The following CXADR variants were observed in gnomAD, a reference collection of about 807,000 sequenced individuals.
CXADR encodes the protein coxsackievirus and adenovirus receptor.
CXADR carries 20 observed loss-of-function variants against 40.3 expected under a neutral mutation model. That is an observed-to-expected ratio of 0.50 (90% CI 0.35 to 0.72). The LOEUF is 0.72. Among genes scored for constraint, CXADR ranks in the 30% least tolerant of loss-of-function variants. The probability of loss-of-function intolerance (pLI) is 0.01; values close to 1 mark genes in which losing one functional copy is unlikely to be tolerated. For synonymous variants in CXADR, 150 were observed against 161.3 expected, an observed-to-expected ratio of 0.93 and a Z score of 0.53; for missense variants, 332 against 449.1, an observed-to-expected ratio of 0.74 and a Z score of 2.36.
intron 6 of CXADR, among the ~76,000 whole-genome samples, chr21:17,563,260 G>C (rs2846885): frequency 0.89 from 135,143 of 151,970 alleles, 60,134 homozygotes; most frequent in East Asian, 1. Context: ...GCACCCTACC[G>C]TGGTTGACAG....
rs772427952 is a variant in CXADR, at chr21:17,567,242, G to A, written c.*1550G>A. 78 of 985,252 alleles carry A rather than the reference G, an allele frequency of 7.9e-5. No individual in the cohort carries two copies. Among genetic ancestry groups the A allele is most frequent in the Middle Eastern group, 1.0e-3 (2 of 1,936 alleles). 61.0% of individuals were successfully genotyped at this position (985,252 alleles called of 1,614,324 possible). A position where few individuals can be genotyped will look rare whatever the true frequency, so the allele number is the denominator to read the frequency against. On this transcript the variant is annotated 3_prime_UTR_variant, in exon 7 of 7. Transcript: ENST00000284878. ...GGTGGTAAATGCTATATTATGAACG[G>A]TGGCATGTATTTACAGTTAGAGTAT...
chr21:17,580,761 T>C (rs760552309), intron 7 of CXADR, among the ~76,000 whole-genome samples: 3 of 152,218 alleles, frequency 2.0e-5, no homozygotes, highest in African/African-American at 4.8e-5. Context: ...ATACAATGTT[T>C]CTTTTTTGAG....
At chr21:17,534,019 T>C (rs368428260) in intron 1 of CXADR, among the ~76,000 whole-genome samples, 31 of 81,392 alleles carry the variant, frequency 3.8e-4, no homozygotes, top group Non-Finnish European at 7.6e-4. Context: ...TATATATATA[T>C]ATATATATAG....
chr21:17,603,576 G>C, the CXADR span, among the ~76,000 whole-genome samples: 1 of 152,168 alleles, frequency 6.6e-6, no homozygotes, highest in Admixed American at 6.5e-5. Context: ...TACATAGTTA[G>C]GGTTCCTTCA....
chr21:17,578,162 A>C (rs1601052267), intron 7 of CXADR, among the ~76,000 whole-genome samples: 1 of 152,190 alleles, frequency 6.6e-6, no homozygotes, highest in South Asian at 2.1e-4. Flanking sequence ...GCTGGATCAT[A>C]GGGTAGTTCT....
At chr21:17,607,409 T>C in the CXADR span, among the ~76,000 whole-genome samples, 1 of 152,094 alleles carries the variant, frequency 6.6e-6, no homozygotes, top group African/African-American at 2.4e-5. Flanking sequence ...ATTAAGATAA[T>C]CAAGAGATAA....
intron 7 of CXADR, among the ~76,000 whole-genome samples, chr21:17,586,567 C>T (rs1337396240): frequency 6.6e-6 from 1 of 151,462 alleles, no homozygotes; most frequent in Non-Finnish European, 1.5e-5. Flanking sequence ...TCCCAAAGTG[C>T]TGAGATTACA....
the CXADR span, among the ~76,000 whole-genome samples, chr21:17,618,160 C>T: frequency 6.6e-6 from 1 of 152,160 alleles, no homozygotes; most frequent in East Asian, 1.9e-4. Flanking sequence ...AAGCCTTGAT[C>T]GCAGCACTGC....
intron 1 of CXADR, among the ~76,000 whole-genome samples, chr21:17,536,099 A>G (rs1439037906): frequency 6.6e-6 from 1 of 152,198 alleles, no homozygotes; most frequent in Non-Finnish European, 1.5e-5. Context: ...GAGAAGAATC[A>G]TGTATCAGTG....
chr21:17,561,349 G>T lies in CXADR; in HGVS notation c.706G>T (p.Ala236Ser). The change falls in exon 6 of 7, where the codon GCT becomes TCT. Residue 236 changes from alanine to serine, a missense_variant. Around this residue, in one of 3 missense-constraint regions of CXADR, gnomAD observed 150 missense variants for 194.2 expected, o/e 0.77. Coordinates refer to ENST00000284878, the MANE Select transcript of CXADR (RefSeq NM_001338.5). ...RLNVVPPSNK[A>S]GLIAGAIIGT... ...TCTTCTTATTTTAGCTTCAAATAAA[G>T]CTGGACTAATTGCAGGAGCCATTAT... is the stretch of plus-strand genomic sequence containing the variant. 2 of 1,580,658 alleles carry T rather than the reference G, an allele frequency of 1.3e-6. No homozygotes were observed. Among genetic ancestry groups the T allele is most frequent in the Non-Finnish European group, 1.7e-6 (2 of 1,162,898 alleles).
intron 1 of CXADR, among the ~76,000 whole-genome samples, chr21:17,544,007 T>TA (rs113445498): frequency 6.6e-6 from 1 of 151,804 alleles, no homozygotes; most frequent in Non-Finnish European, 1.5e-5. Context: ...CTTAAAAAAA[T>TA]AAAAAATAGA....
intron 1 of CXADR, among the ~76,000 whole-genome samples, chr21:17,545,780 TG>T (rs753159122): frequency 2.4e-5 from 3 of 125,252 alleles, no homozygotes; most frequent in East Asian, 2.6e-4. Context: ...TGGTTTTTTT[TG>T]TTTTTTTTTT....
chr21:17,550,172 T>C (rs925643600), intron 2 of CXADR, among the ~76,000 whole-genome samples: 1 of 152,074 alleles, frequency 6.6e-6, no homozygotes, highest in African/African-American at 2.4e-5. Context: ...CAGGCCAATG[T>C]GGTGAAACCC....
At chr21:17,589,061 G>T (rs2061417084) in intron 7 of CXADR, among the ~76,000 whole-genome samples, 1 of 150,884 alleles carries the variant, frequency 6.6e-6, no homozygotes, top group African/African-American at 2.4e-5. Context: ...TTTCTTTTTT[G>T]CATCCCTCTA....
At chr21:17,635,303 G>A in the CXADR span, among the ~76,000 whole-genome samples, 3 of 152,144 alleles carry the variant, frequency 2.0e-5, no homozygotes, top group Non-Finnish European at 4.4e-5. Flanking sequence ...TTAATGTGAA[G>A]ATAGTCTTTG....
intron 7 of CXADR, among the ~76,000 whole-genome samples, chr21:17,588,868 C>G (rs2061415563): frequency 1.3e-5 from 2 of 151,942 alleles, no homozygotes; most frequent in South Asian, 2.1e-4. Flanking sequence ...TTTCTATTGA[C>G]TTTATGTATT....
At chr21:17,582,036 G>A (rs979578387) in intron 7 of CXADR, among the ~76,000 whole-genome samples, 20 of 21,480 alleles carry the variant, frequency 9.3e-4, no homozygotes, top group African/African-American at 4.1e-3. Context: ...CTGCCCTCCC[G>A]GGTTCAAGTG....
chr21:17,584,293 T>C (rs1444744421), intron 7 of CXADR, among the ~76,000 whole-genome samples: 2 of 152,224 alleles, frequency 1.3e-5, no homozygotes, highest in East Asian at 3.9e-4. Context: ...AAGCCATCAA[T>C]AAATGATGAT....
chr21:17,532,799 G>A (rs1169530526), intron 1 of CXADR, among the ~76,000 whole-genome samples: 1 of 152,198 alleles, frequency 6.6e-6, no homozygotes, highest in Admixed American at 6.5e-5. Context: ...AGGTTTACAT[G>A]TGTTATTTAA....
Sources: gnomAD v4.1 joint callset for allele counts (sites outside exome capture counted in the v4.1 genomes callset) on GRCh38, gnomAD v4.1.1 for gene constraint, gnomAD v4.1.1 regional missense constraint, MANE v1.5 for transcripts, NCBI Gene and HGNC (gene_info 2026-07-23, HGNC 2026-07-21) for gene names.